Variants in PDE4B observed in about 807,000 individuals in gnomAD.
PDE4B encodes the protein phosphodiesterase 4B.
PDE4B carries 20 observed loss-of-function variants against 82.2 expected under a neutral mutation model. The observed-to-expected ratio is 0.24, with a 90% CI of 0.17 to 0.35. The LOEUF (loss-of-function observed/expected upper bound fraction) is 0.35, where lower values mean the gene tolerates loss of function less well. Among genes scored for constraint, PDE4B ranks in the 10% least tolerant of loss-of-function variants. PDE4B has a pLI of 1.00. For missense variants in PDE4B, 655 were observed against 907.2 expected, an observed-to-expected ratio of 0.72 and a Z score of 3.57; for synonymous variants, 320 against 318.9, an observed-to-expected ratio of 1.00 and a Z score of -0.04.
chr1:65,853,527 A>AC (rs1188345781), intron 1 of PDE4B, among the ~76,000 whole-genome samples: 1 of 143,964 alleles, frequency 6.9e-6, no homozygotes, highest in Non-Finnish European at 1.5e-5. Context: ...ATGCATTATA[A>AC]CCCTTTTTTT....
intron 3 of PDE4B, among the ~76,000 whole-genome samples, chr1:66,125,266 C>A (rs112860593): frequency 0.01 from 1,528 of 151,004 alleles, 34 homozygotes; most frequent in African/African-American, 0.035. Flanking sequence ...TAGGTTCAAG[C>A]GATTCTCCTG....
intron 3 of PDE4B, among the ~76,000 whole-genome samples, chr1:66,212,612 G>T (rs904721013): frequency 6.6e-6 from 1 of 151,862 alleles, no homozygotes; most frequent in Non-Finnish European, 1.5e-5. Context: ...AAATTTTATT[G>T]TCTTTCCCCC....
intron 3 of PDE4B, among the ~76,000 whole-genome samples, chr1:66,052,319 A>G (rs1655073141): frequency 6.6e-6 from 1 of 152,214 alleles, no homozygotes; most frequent in Non-Finnish European, 1.5e-5. Context: ...AAAGCTAAAA[A>G]TGCTTGCAAA....
intron 3 of PDE4B, among the ~76,000 whole-genome samples, chr1:66,044,903 T>G (rs1654603811): frequency 6.6e-6 from 1 of 151,740 alleles, no homozygotes; most frequent in Non-Finnish European, 1.5e-5. Flanking sequence ...TTGATACAAT[T>G]TTTACAAAAT....
intron 7 of PDE4B, among the ~76,000 whole-genome samples, chr1:66,268,575 G>A (rs1655219551): frequency 6.8e-6 from 1 of 148,050 alleles, no homozygotes; most frequent in African/African-American, 2.5e-5. Flanking sequence ...GGCTGAGGCA[G>A]GAGAATCTCT....
intron 3 of PDE4B, among the ~76,000 whole-genome samples, chr1:66,091,692 G>T (rs1456357388): frequency 6.6e-6 from 1 of 152,008 alleles, no homozygotes; most frequent in African/African-American, 2.4e-5. Context: ...TTGCTCAAGA[G>T]TAGGAACCAA....
At chr1:66,168,858 C>T (rs1270153429) in intron 3 of PDE4B, among the ~76,000 whole-genome samples, 1 of 152,182 alleles carries the variant, frequency 6.6e-6, no homozygotes, top group Non-Finnish European at 1.5e-5. Context: ...CCTGTTCCTA[C>T]TATTGCACAA....
chr1:66,293,148 T>C (rs902439809), intron 7 of PDE4B, among the ~76,000 whole-genome samples: 1 of 152,124 alleles, frequency 6.6e-6, no homozygotes, highest in Non-Finnish European at 1.5e-5. Flanking sequence ...TTTGAGGTCC[T>C]TGAGGTCAGG....
intron 1 of PDE4B, among the ~76,000 whole-genome samples, chr1:65,807,607 C>T (rs10889584): frequency 0.18 from 27,372 of 152,160 alleles, 2,929 homozygotes; most frequent in East Asian, 0.44. Context: ...CTAGTTTCCT[C>T]CTATCCCTCT....
At chr1:65,796,161 A>AT (rs1226822995) in intron 1 of PDE4B, among the ~76,000 whole-genome samples, 2 of 152,062 alleles carry the variant, frequency 1.3e-5, no homozygotes, top group African/African-American at 4.8e-5. Flanking sequence ...CTATATCTTC[A>AT]TTTTTTGGAA....
intron 9 of PDE4B, among the ~76,000 whole-genome samples, chr1:66,361,001 A>C (rs898940060): frequency 1.3e-5 from 2 of 152,198 alleles, no homozygotes; most frequent in Non-Finnish European, 2.9e-5. Flanking sequence ...GTCTTCCTCT[A>C]AACCTCAAAT....
intron 3 of PDE4B, among the ~76,000 whole-genome samples, chr1:66,131,638 T>TATATATATATATATATATATATA: frequency 8.3e-6 from 1 of 120,268 alleles, no homozygotes; most frequent in African/African-American, 3.0e-5. Flanking sequence ...TATATATATA[T>TATATATATATATATATATATATA]TACTAACCAG....
chr1:66,304,485 C>G (rs1445940159), intron 7 of PDE4B, among the ~76,000 whole-genome samples: 2 of 152,156 alleles, frequency 1.3e-5, no homozygotes, highest in Admixed American at 1.3e-4. Flanking sequence ...TAACTCTGCT[C>G]TGATCTGAAC....
intron 3 of PDE4B, among the ~76,000 whole-genome samples, chr1:66,074,572 A>G (rs1656318968): frequency 6.6e-6 from 1 of 152,140 alleles, no homozygotes; most frequent in South Asian, 2.1e-4. Context: ...ACAACCATCT[A>G]GTTTCAGAAT....
intron 9 of PDE4B, among the ~76,000 whole-genome samples, chr1:66,355,869 G>T (rs1015758450): frequency 6.6e-6 from 1 of 152,082 alleles, no homozygotes; most frequent in Non-Finnish European, 1.5e-5. Flanking sequence ...TATTTAAACG[G>T]CCCTCAGCCC....
At chr1:66,187,513 C>A (rs1413080717) in intron 3 of PDE4B, among the ~76,000 whole-genome samples, 1 of 152,204 alleles carries the variant, frequency 6.6e-6, no homozygotes, top group Admixed American at 6.5e-5. Flanking sequence ...ATTTCAGACC[C>A]TGTTATTGGT....
intron 1 of PDE4B, among the ~76,000 whole-genome samples, chr1:65,901,119 G>C (rs896615465): frequency 6.6e-6 from 1 of 151,662 alleles, no homozygotes; most frequent in African/African-American, 2.4e-5. Flanking sequence ...TTATTTTGAG[G>C]GTATGTTTCT....
At chr1:66,297,564 T>C (rs1657598193) in intron 7 of PDE4B, among the ~76,000 whole-genome samples, 1 of 152,182 alleles carries the variant, frequency 6.6e-6, no homozygotes, top group Non-Finnish European at 1.5e-5. Flanking sequence ...AGAGCGGTTT[T>C]ACCTTGCTTT....
chr1:66,368,841 GA>G lies in PDE4B; in HGVS notation c.1719del (p.Glu573AspfsTer73). 1 of 1,613,314 alleles carries G rather than the reference GA, an allele frequency of 6.2e-7. No individual in the cohort carries two copies. ...CCTGAGCAACCCCACCAAGTCCTTG[GA>G]ATTGTATCGGCAATGGACAGACCGC... ...ADLSNPTKSL[E>X]LYRQWTDRIM... On this transcript the variant is annotated frameshift_variant, in exon 16 of 17. Coordinates refer to ENST00000341517, the MANE Select transcript of PDE4B (RefSeq NM_002600.4). LOFTEE classifies it high-confidence loss of function.
Sources: gnomAD v4.1 joint callset for allele counts (sites outside exome capture counted in the v4.1 genomes callset) on GRCh38, gnomAD v4.1.1 for gene constraint, MANE v1.5 for transcripts, NCBI Gene and HGNC (gene_info 2026-07-23, HGNC 2026-07-21) for gene names.